Variants in ANKRD45 observed in about 807,000 individuals in gnomAD.
ANKRD45 encodes ankyrin repeat domain 45.
ANKRD45 carries 21 observed loss-of-function variants against 28.1 expected under a neutral mutation model. That is an observed-to-expected ratio of 0.75 (90% CI 0.53 to 1.08). The LOEUF (loss-of-function observed/expected upper bound fraction) is 1.08. Among genes scored for constraint, ANKRD45 ranks in the 50% least tolerant of loss-of-function variants. The pLI is 0.00. For missense variants in ANKRD45, 261 were observed against 308.7 expected (o/e 0.85, Z 1.16); for synonymous variants, 86 against 103.9 (o/e 0.83, Z 1.05).
intron 5 of ANKRD45, among the ~76,000 whole-genome samples, chr1:173,614,466 A>C (rs1414488032): frequency 6.6e-6 from 1 of 152,158 alleles, no homozygotes; most frequent in Non-Finnish European, 1.5e-5. Context: ...ATTTCCAAAT[A>C]GTTATAGCTT....
At chr1:173,666,837 G>C (rs1346933071) in intron 1 of ANKRD45, among the ~76,000 whole-genome samples, 1 of 152,068 alleles carries the variant, frequency 6.6e-6, no homozygotes, top group Non-Finnish European at 1.5e-5. Flanking sequence ...ACTACAGCCT[G>C]AACTCCTGGG....
intron 3 of ANKRD45, among the ~76,000 whole-genome samples, chr1:173,641,251 C>T (rs1181384855): frequency 1.3e-5 from 2 of 152,326 alleles, no homozygotes; most frequent in South Asian, 2.1e-4. Context: ...GCGATTGTTA[C>T]GCTTGTGCAC....
intron 1 of ANKRD45, among the ~76,000 whole-genome samples, chr1:173,666,947 G>T (rs1670048820): frequency 6.6e-6 from 1 of 152,040 alleles, no homozygotes; most frequent in Admixed American, 6.6e-5. Flanking sequence ...GAGACAGGGG[G>T]TCTGGCTATG....
the ANKRD45 span, among the ~76,000 whole-genome samples, chr1:173,678,312 C>T: frequency 5.9e-5 from 9 of 152,150 alleles, no homozygotes; most frequent in African/African-American, 1.4e-4. Flanking sequence ...CAAAAATCCT[C>T]AATAAAGTAC....
chr1:173,637,973 C>T (rs111842534), intron 3 of ANKRD45, among the ~76,000 whole-genome samples: 78 of 152,218 alleles, frequency 5.1e-4, no homozygotes, highest in African/African-American at 1.6e-3. Context: ...TTCTCAGCAA[C>T]GCAGGGAAAG....
At chr1:173,694,165 AT>A in the ANKRD45 span, among the ~76,000 whole-genome samples, 14 of 150,176 alleles carry the variant, frequency 9.3e-5, no homozygotes, top group Admixed American at 2.0e-4. Flanking sequence ...TAGGATTTCA[AT>A]TTTTTTTTTC....
intron 5 of ANKRD45, among the ~76,000 whole-genome samples, chr1:173,614,139 T>C (rs992382643): frequency 4.6e-5 from 7 of 152,272 alleles, no homozygotes; most frequent in Non-Finnish European, 2.9e-5. Flanking sequence ...TGTGGAAGGC[T>C]GCAGGGTCCT....
chr1:173,710,362 G>C, the ANKRD45 span, among the ~76,000 whole-genome samples: 6 of 152,168 alleles, frequency 3.9e-5, no homozygotes, highest in African/African-American at 1.4e-4. Flanking sequence ...GGAGTCAAAG[G>C]AAGGAAAGTA....
the ANKRD45 span, among the ~76,000 whole-genome samples, chr1:173,714,418 T>C: frequency 6.6e-6 from 1 of 152,218 alleles, no homozygotes; most frequent in Non-Finnish European, 1.5e-5. Context: ...TGGTGAATAC[T>C]AAGTAGAAAG....
the ANKRD45 span, among the ~76,000 whole-genome samples, chr1:173,676,978 A>C: frequency 1.3e-5 from 2 of 152,012 alleles, no homozygotes; most frequent in African/African-American, 4.8e-5. Context: ...TTTATACCAA[A>C]TAAGCCAAAT....
At chr1:173,697,158 G>A in the ANKRD45 span, among the ~76,000 whole-genome samples, 3 of 152,108 alleles carry the variant, frequency 2.0e-5, no homozygotes, top group African/African-American at 7.2e-5. Context: ...AAGAAATATG[G>A]GACTATGTGA....
intron 5 of ANKRD45, among the ~76,000 whole-genome samples, chr1:173,620,077 C>T (rs1375251163): frequency 6.6e-6 from 1 of 152,084 alleles, no homozygotes; most frequent in Non-Finnish European, 1.5e-5. Flanking sequence ...ATATTCAGGA[C>T]CTGAACTCAG....
intron 5 of ANKRD45, among the ~76,000 whole-genome samples, chr1:173,615,302 T>C (rs956207337): frequency 6.7e-6 from 1 of 150,306 alleles, no homozygotes; most frequent in Non-Finnish European, 1.5e-5. Flanking sequence ...GGAGAATCGC[T>C]TGAACCAGGG....
chr1:173,669,189 A>G (rs1012947548), intron 1 of ANKRD45, among the ~76,000 whole-genome samples: 6 of 152,184 alleles, frequency 3.9e-5, no homozygotes, highest in African/African-American at 1.4e-4. Flanking sequence ...GGACATCTAC[A>G]TTCAATTCTG....
chr1:173,666,236 C>T (rs1011423825), intron 1 of ANKRD45, among the ~76,000 whole-genome samples: 1 of 152,202 alleles, frequency 6.6e-6, no homozygotes, highest in Non-Finnish European at 1.5e-5. Context: ...TTCTCAGGCC[C>T]TCAGACCTGG....
intron 2 of ANKRD45, among the ~76,000 whole-genome samples, chr1:173,650,774 T>C (rs979771227): frequency 6.6e-6 from 1 of 152,262 alleles, no homozygotes; most frequent in African/African-American, 2.4e-5. Flanking sequence ...CCTAACTTTT[T>C]AATCATCACC....
chr1:173,708,715 G>C, the ANKRD45 span, among the ~76,000 whole-genome samples: 2 of 152,082 alleles, frequency 1.3e-5, no homozygotes, highest in East Asian at 3.9e-4. Flanking sequence ...ATCTACTTTT[G>C]CTTATTTCAG....
intron 3 of ANKRD45, among the ~76,000 whole-genome samples, chr1:173,642,668 CA>C (rs1283057233): frequency 6.6e-6 from 1 of 152,250 alleles, no homozygotes; most frequent in Non-Finnish European, 1.5e-5. Flanking sequence ...GAGGTCCAAG[CA>C]AGCATGAGGT....
the ANKRD45 span, among the ~76,000 whole-genome samples, chr1:173,694,229 T>A: frequency 1.6e-4 from 24 of 152,046 alleles, no homozygotes; most frequent in Non-Finnish European, 3.2e-4. Flanking sequence ...AGTGGCATGA[T>A]CTTGGCTCAC....
Sources: gnomAD v4.1 joint callset for allele counts (sites outside exome capture counted in the v4.1 genomes callset) on GRCh38, gnomAD v4.1.1 for gene constraint, MANE v1.5 for transcripts, NCBI Gene and HGNC (gene_info 2026-07-23, HGNC 2026-07-21) for gene names.